PRUNE2: variants seen among roughly 807,000 people sequenced by gnomAD.
PRUNE2 encodes protein prune homolog 2.
In PRUNE2, 164 loss-of-function variants were observed where a neutral mutation model predicts 252.0. The ratio of observed to expected loss-of-function variants is 0.65; its 90% CI spans 0.57 to 0.74. The LOEUF (loss-of-function observed/expected upper bound fraction) is 0.74. PRUNE2 is among the 30% of genes least tolerant of loss of function. PRUNE2 has a pLI of 0.00. For missense variants in PRUNE2, 3,495 were observed against 3,711.0 expected (o/e 0.94, Z 1.51); for synonymous variants, 1,292 against 1,350.2 (o/e 0.96, Z 0.94).
At chr9:76,655,092 A>G (rs1221199528) in intron 10 of PRUNE2, among the ~76,000 whole-genome samples, 1 of 152,198 alleles carries the variant, frequency 6.6e-6, no homozygotes, top group Non-Finnish European at 1.5e-5. Flanking sequence ...AAACATTCTT[A>G]CAATTATGTG....
chr9:76,844,151 A>T (rs1589536360), intron 4 of PRUNE2, among the ~76,000 whole-genome samples: 1 of 152,306 alleles, frequency 6.6e-6, no homozygotes, highest in East Asian at 1.9e-4. Flanking sequence ...TTCCCTATTT[A>T]ACCATCCTTT....
chr9:76,830,669 A>C (rs1042271908), intron 4 of PRUNE2, among the ~76,000 whole-genome samples: 3 of 151,796 alleles, frequency 2.0e-5, no homozygotes, highest in African/African-American at 7.2e-5. Flanking sequence ...AAAAAAGAAA[A>C]AAAAAAAAAG....
Position 76,710,398 on chromosome 9 carries a change from G to T in PRUNE2, c.1876C>A (p.Pro626Thr), listed in dbSNP as rs750915242. 1 of 1,613,854 alleles carries T rather than the reference G, an allele frequency of 6.2e-7. No individual in the cohort carries two copies. Among genetic ancestry groups the T allele is most frequent in the Non-Finnish European group, 8.5e-7 (1 of 1,179,896 alleles). ...ATATCTTCTGTATAGAGTGAGGCTG[G>T]TTCTTCAGTGGATGGCGAGCTTTCT... is the stretch of plus-strand genomic sequence containing the variant. ...LVESSPSTEE[P>T]ASLYTEDMTQ... Residue 626 changes from proline to threonine, a missense_variant, in exon 8 of 19, where the codon CCA (proline) becomes ACA (threonine). Physicochemically the swap from Pro to Thr is conservative, Grantham distance 38 (BLOSUM62 -1). Coordinates refer to ENST00000376718, the MANE Select transcript of PRUNE2 (RefSeq NM_015225.3).
intron 6 of PRUNE2, chr9:76,788,458 G>A: frequency 1.3e-6 from 1 of 743,458 alleles, no homozygotes; most frequent in Non-Finnish European, 2.5e-6. Flanking sequence ...CATGCATTTG[G>A]AGCCAGAGTT....
intron 6 of PRUNE2, among the ~76,000 whole-genome samples, chr9:76,795,291 A>G (rs573182030): frequency 1.4e-4 from 22 of 152,294 alleles, no homozygotes; most frequent in South Asian, 6.2e-4. Flanking sequence ...TGGGCTTCAA[A>G]GACATCACAC....
At chr9:76,752,183 C>T (rs58570686) in intron 6 of PRUNE2, among the ~76,000 whole-genome samples, 24,437 of 151,668 alleles carry the variant, frequency 0.16, 2,342 homozygotes, top group East Asian at 0.49. Flanking sequence ...CTGCAAACTC[C>T]GCCTCCTGGG....
intron 6 of PRUNE2, among the ~76,000 whole-genome samples, chr9:76,751,460 C>T (rs1474060915): frequency 6.6e-6 from 1 of 152,198 alleles, no homozygotes; most frequent in Non-Finnish European, 1.5e-5. Flanking sequence ...AAACACTTTC[C>T]ATTTTATATT....
At chr9:76,779,834 A>G (rs1271788487) in intron 6 of PRUNE2, 1 of 152,212 alleles carries the variant, frequency 6.6e-6, no homozygotes, top group African/African-American at 2.4e-5. Context: ...TCCCATTATC[A>G]CCATATGTCA....
In PRUNE2 at chr9:76,655,493, T is replaced by C. The variant is rs1345982258; in HGVS notation, c.8286A>G (p.Ser2762=). 1 of 1,612,342 alleles carries C rather than the reference T, an allele frequency of 6.2e-7. No individual in the cohort carries two copies. Among genetic ancestry groups the C allele is most frequent in the South Asian group, 1.1e-5 (1 of 90,606 alleles). Residue 2762 remains serine, a synonymous_variant, in exon 10 of 19, where the codon TCA becomes TCG. Coordinates refer to ENST00000376718, the MANE Select transcript of PRUNE2 (RefSeq NM_015225.3). ...AGGGGATGTCCATTCCTACATCCTC[T>C]GACAGTAGTCTGCAAAAAAAGCAAA... The part of the protein sequence containing the change: ...TRISRPNGLL[S]EDVGMDIPFE...
Position 76,707,852 on chromosome 9 carries a change from T to C in PRUNE2, c.4422A>G (p.Pro1474=). The change falls in exon 8 of 19, where the codon CCA becomes CCG. Residue 1474 remains proline (P), a synonymous_variant. Transcript: ENST00000376718. ...EKTEECNFLE[P]ENVGGGPPHR... ...GAGGTGGCCCTCCACCCACGTTCTC[T>C]GGCTCTAGAAAGTTACATTCTTCAG... is the stretch of plus-strand genomic sequence containing the variant. 6.2e-7 allele frequency: 1 copy of C among 1,613,800 alleles called. No homozygotes were observed. The highest frequency in any genetic ancestry group is 1.3e-5 in the African/African-American group (1 of 75,050).
chr9:76,713,216 C>A (rs1281747732), intron 7 of PRUNE2, among the ~76,000 whole-genome samples: 1 of 152,076 alleles, frequency 6.6e-6, no homozygotes, highest in African/African-American at 2.4e-5. Flanking sequence ...GTCTTAAACA[C>A]TGGGCACCAA....
chr9:76,788,367 T>G, intron 6 of PRUNE2: 1 of 742,714 alleles, frequency 1.3e-6, no homozygotes, highest in Non-Finnish European at 2.5e-6. Flanking sequence ...AGTTATTATA[T>G]ATACTGGACA....
intron 6 of PRUNE2, among the ~76,000 whole-genome samples, chr9:76,769,111 TC>T (rs1352628586): frequency 6.6e-6 from 1 of 152,228 alleles, no homozygotes; most frequent in East Asian, 1.9e-4. Context: ...ATTCTTAGAA[TC>T]TTTCATTATG....
At chr9:76,845,756 G>A (rs559904574) in intron 4 of PRUNE2, among the ~76,000 whole-genome samples, 33 of 152,232 alleles carry the variant, frequency 2.2e-4, no homozygotes, top group African/African-American at 6.3e-4. Flanking sequence ...TCTGTCTACC[G>A]TGTTCAAAAT....
In PRUNE2 at chr9:76,814,475, A is replaced by T. The variant is rs548374669; in HGVS notation, c.756+9157T>A. On this transcript the variant is annotated intron_variant, in intron 6 of 18. Coordinates refer to ENST00000376718, the MANE Select transcript of PRUNE2 (RefSeq NM_015225.3). Reference sequence around the variant, plus strand: ...AACTGCAGGAGACACTCTGAGCAAGAACCCCTCAGCCAAGCCCCCTAAAAA... The same window carrying T: ...AACTGCAGGAGACACTCTGAGCAAGTACCCCTCAGCCAAGCCCCCTAAAAA... 6.0e-4 allele frequency among the ~76,000 whole-genome samples: 92 copies of T among 152,340 alleles called. 1 individual carries two copies. Among genetic ancestry groups the T allele is most frequent in the Admixed American group, 2.2e-3 (33 of 15,294 alleles).
At chr9:76,790,187 G>A (rs1457891384) in intron 6 of PRUNE2, among the ~76,000 whole-genome samples, 1 of 152,178 alleles carries the variant, frequency 6.6e-6, no homozygotes, top group African/African-American at 2.4e-5. Context: ...AGGTTTACTA[G>A]AAGGCGGTTT....
At chr9:76,776,545 T>C (rs1280064745) in intron 6 of PRUNE2, among the ~76,000 whole-genome samples, 1 of 109,316 alleles carries the variant, frequency 9.1e-6, no homozygotes, top group Non-Finnish European at 1.8e-5. Flanking sequence ...GAGATGAGTC[T>C]CGCTCTGTTG....
intron 9 of PRUNE2, among the ~76,000 whole-genome samples, chr9:76,700,806 A>ATC (rs2045816292): frequency 6.6e-6 from 1 of 152,076 alleles, no homozygotes; most frequent in Non-Finnish European, 1.5e-5. Flanking sequence ...CGAAACAGAT[A>ATC]TCTCTCCTCT....
At chr9:76,646,762 T>C (rs1014760279) in intron 11 of PRUNE2, among the ~76,000 whole-genome samples, 4 of 152,182 alleles carry the variant, frequency 2.6e-5, no homozygotes, top group African/African-American at 9.7e-5. Context: ...TAGTGAACTT[T>C]CCATCCACCA....
Sources: allele counts gnomAD v4.1 joint callset (sites outside exome capture counted in the v4.1 genomes callset), GRCh38; gene constraint gnomAD v4.1.1; transcripts MANE v1.5; gene names NCBI Gene and HGNC (gene_info 2026-07-23, HGNC 2026-07-21).